MASTL: variants seen among roughly 807,000 people sequenced by gnomAD.
MASTL encodes serine/threonine-protein kinase greatwall.
MASTL carries 54 observed loss-of-function variants against 82.5 expected under a neutral mutation model. The ratio of observed to expected loss-of-function variants is 0.65; its 90% CI spans 0.53 to 0.82. MASTL has a LOEUF of 0.82. MASTL is among the 40% of genes least tolerant of loss of function. The pLI is 0.00. For missense variants in MASTL, 950 were observed against 1,047.8 expected (o/e 0.91, Z 1.29); for synonymous variants, 323 against 368.9 (o/e 0.88, Z 1.43).
At position 27,170,475 on chromosome 10, in the gene MASTL, AAGG is replaced by A; in HGVS notation, c.1519_1521del (p.Glu507del). 4 of 1,614,030 alleles carry A rather than the reference AAGG, an allele frequency of 2.5e-6. No homozygotes were observed. The highest frequency in any genetic ancestry group is 3.4e-6 in the Non-Finnish European group (4 of 1,179,916). The stretch of plus-strand genomic sequence containing the variant: ...AAGTCAACAAAATGACTGTGCTAAT[AAGG>A]AGAACATTGTCAATTCTTTTACTGA... On this transcript the variant is annotated inframe_deletion, in exon 8 of 12. Transcript: ENST00000375940.
upstream of MASTL, chr10:27,155,257 C>T (rs554557381): frequency 6.4e-4 from 424 of 666,720 alleles, no homozygotes; most frequent in African/African-American, 7.3e-3. Flanking sequence ...GCTTTCCCGA[C>T]GCCCCCTCCG....
At chr10:27,178,212 C>T (rs1015899520) in intron 9 of MASTL, among the ~76,000 whole-genome samples, 1 of 152,078 alleles carries the variant, frequency 6.6e-6, no homozygotes, top group African/African-American at 2.4e-5. Context: ...CCCAACATGG[C>T]GAAACCCCGT....
chr10:27,186,475 C>T lies in MASTL; in HGVS notation c.2579C>T (p.Thr860Ile). ...FIPQPDDETD[T>I]SYFEARNTAQ... is the part of the protein sequence containing the mutation. ...CCCCAGCCAGATGATGAAACAGATA[C>T]CTCCTATTTTGAAGCCAGGAATACT... The change falls in exon 12 of 12, where the codon ACC becomes ATC. Residue 860 changes from threonine (T) to isoleucine (I), a missense_variant. Transcript: ENST00000375940. 6.2e-7 allele frequency: 1 copy of T among 1,614,062 alleles called. No homozygotes were observed. Among genetic ancestry groups the T allele is most frequent in the South Asian group, 1.1e-5 (1 of 91,086 alleles).
rs1454083812 is a variant in MASTL, at chr10:27,187,679, G to T, written c.*1143G>T. Among the ~76,000 whole-genome samples the T allele has an allele frequency of 2.6e-5, 4 of 151,574 alleles. No individual in the cohort carries two copies. The highest frequency in any genetic ancestry group is 3.9e-4 in the East Asian group (2 of 5,148). On this transcript the variant is annotated 3_prime_UTR_variant, in exon 12 of 12. Transcript: ENST00000375940. ...AGGCATGAGAATCGCTTGAACCCAG[G>T]AGGTGGAGATTGCAGTGAGCTGAGA...
chr10:27,176,505 C>CT (rs1377285880), intron 9 of MASTL, among the ~76,000 whole-genome samples: 4 of 152,168 alleles, frequency 2.6e-5, no homozygotes, highest in African/African-American at 9.7e-5. Flanking sequence ...AGCCTTGTCT[C>CT]TCAAAGAGTC....
intron 7 of MASTL, among the ~76,000 whole-genome samples, chr10:27,169,567 C>CAAA (rs766925239): frequency 9.8e-6 from 1 of 101,738 alleles, no homozygotes. Context: ...GACCCCATTT[C>CAAA]AAAAAAAAAA....
chr10:27,182,466 G>A (rs772963487), intron 11 of MASTL, among the ~76,000 whole-genome samples: 2 of 152,062 alleles, frequency 1.3e-5, no homozygotes, highest in South Asian at 2.1e-4. Context: ...TTTATTAATC[G>A]GTGGGTGTGG....
chr10:27,168,773 T>C (rs927599348), intron 7 of MASTL, among the ~76,000 whole-genome samples: 1 of 152,136 alleles, frequency 6.6e-6, no homozygotes, highest in African/African-American at 2.4e-5. Context: ...GCGGACATCA[T>C]GCCTCCAGAC....
intron 1 of MASTL, among the ~76,000 whole-genome samples, chr10:27,155,817 C>T (rs1816542628): frequency 6.6e-6 from 1 of 152,138 alleles, no homozygotes. Flanking sequence ...CCGCCCTTCC[C>T]TCCATATCTC....
At position 27,170,542 on chromosome 10, in the gene MASTL, T is replaced by C. The variant is rs1199379421; in HGVS notation, c.1583T>C (p.Ile528Thr). 7 of 1,613,808 alleles carry C rather than the reference T, an allele frequency of 4.3e-6. No individual in the cohort carries two copies. The highest frequency in any genetic ancestry group is 2.2e-5 in the East Asian group (1 of 44,846). Residue 528 changes from isoleucine (I) to threonine (T), a missense_variant, in exon 8 of 12, where the codon ATA (isoleucine) becomes ACA (threonine). Ile to Thr is a moderately conservative substitution (Grantham distance 89). Coordinates refer to ENST00000375940, the MANE Select transcript of MASTL (RefSeq NM_001172303.3). ...CCAGAAAAATTACCTATACCAATGA[T>C]AGCAAAAAACCTTATGTGTGAACTC... The part of the protein sequence containing the change: ...QTPEKLPIPM[I>T]AKNLMCELDE...
rs1204583211 is a variant in MASTL at position 27,155,551 on chromosome 10, G to C, written c.125G>C (p.Ser42Thr). The change falls in exon 1 of 12, where the codon AGC becomes ACC. Residue 42 changes from serine to threonine, a missense_variant. Coordinates refer to ENST00000375940, the MANE Select transcript of MASTL (RefSeq NM_001172303.3). ...GAATTCAGCATAGTGAAGCCCATTA[G>C]CCGGGGCGCCTTCGGGAAAGTGTAT... ...IEEFSIVKPI[S>T]RGAFGKVYLG... The C allele has an allele frequency of 1.2e-6, 2 of 1,614,096 alleles. No homozygotes were observed. The highest frequency in any genetic ancestry group is 1.7e-6 in the Non-Finnish European group (2 of 1,180,026).
At chr10:27,166,391 C>G (rs78489110) in intron 6 of MASTL, among the ~76,000 whole-genome samples, 293 of 152,132 alleles carry the variant, frequency 1.9e-3, no homozygotes, top group African/African-American at 6.8e-3. Context: ...ATATTCTAAC[C>G]TTATAGCACG....
In MASTL at chr10:27,159,724, C is replaced by G. The variant is rs2057507260; in HGVS notation, c.430C>G (p.Leu144Val). 4 of 1,611,974 alleles carry G rather than the reference C, an allele frequency of 2.5e-6. No homozygotes were observed. The African/African-American group carries it at 4.0e-5, about 16-fold the overall frequency. Reference sequence around the variant, plus strand: ...ATATATTTCTGAAGTAGCACTGGCTCTAGACTACCTTCACAGACATGGAAT... The same window carrying G: ...ATATATTTCTGAAGTAGCACTGGCTGTAGACTACCTTCACAGACATGGAAT... ...VKYISEVALA[L>V]DYLHRHGIIH... Residue 144 changes from leucine (L) to valine (V), a missense_variant, in exon 3 of 12, where the codon CTA (leucine) becomes GTA (valine). Transcript: ENST00000375940. This position sits in a 1 kb window ranked among gnomAD's most constrained non-coding sequence, Gnocchi z 4.0.
At chr10:27,166,828 G>T (rs1460047245) in intron 6 of MASTL, among the ~76,000 whole-genome samples, 1 of 151,988 alleles carries the variant, frequency 6.6e-6, no homozygotes, top group East Asian at 1.9e-4. Context: ...AGGGGATTTT[G>T]TTCGGTTCTA....
chr10:27,158,136 A>C (rs2057453953), intron 1 of MASTL, among the ~76,000 whole-genome samples: 1 of 152,120 alleles, frequency 6.6e-6, no homozygotes, highest in African/African-American at 2.4e-5. Context: ...TGCTTTCCTG[A>C]TAGCAGTGTA....
rs1176510939 is a variant in MASTL at position 27,171,821 on chromosome 10, G to GTTTATTTTTTTTTTT, written c.2124+741_2124+742insATTTTTTTTTTTTTT. 5.6e-5 allele frequency among the ~76,000 whole-genome samples: 4 copies of GTTTATTTTTTTTTTT among 71,214 alleles called. 1 individual carries two copies. Among genetic ancestry groups the GTTTATTTTTTTTTTT allele is most frequent in the South Asian group, 8.1e-4 (2 of 2,476 alleles). The allele number at this position is 71,214 out of a possible 152,430, so 46.7% of individuals were successfully genotyped here. On this transcript the variant is annotated intron_variant, in intron 8 of 11. Transcript: ENST00000375940. Reference sequence around the variant, plus strand: ...TAAGAGAATAAAAGTTGAAAAATATGTTTCTTTTTTTTTTTTTTTTTTTTT... The same window carrying GTTTATTTTTTTTTTT: ...TAAGAGAATAAAAGTTGAAAAATATGTTTATTTTTTTTTTTTTTCTTTTTTTTTTTTTTTTTTTTT...
At chr10:27,165,680 T>A in intron 6 of MASTL, 141 bp downstream of exon 6, 3 of 954,240 alleles carry the variant, frequency 3.1e-6, no homozygotes, top group Non-Finnish European at 3.2e-6. Context: ...TGGCGCGATC[T>A]CGGCGGCTCA....
rs752147433 is a variant in MASTL at position 27,184,554 on chromosome 10, ATTTTTTT to A, written c.2483-1807_2483-1801del. Among the ~76,000 whole-genome samples, 29 of 84,858 alleles carry A rather than the reference ATTTTTTT, an allele frequency of 3.4e-4. 1 individual carries two copies. The highest frequency in any genetic ancestry group is 9.4e-4 in the South Asian group (2 of 2,134). The allele number at this position is 84,858 out of a possible 152,430, so 55.7% of individuals were successfully genotyped here. Reference sequence around the variant, plus strand: ...AAAAACACTATCACATATAAGAAGGATTTTTTTTTTTTTTTTTTTTTTTTGAGACGGA... The same window carrying A: ...AAAAACACTATCACATATAAGAAGGATTTTTTTTTTTTTTTTTGAGACGGA... On this transcript the variant is annotated intron_variant, in intron 11 of 11. Coordinates refer to ENST00000375940, the MANE Select transcript of MASTL (RefSeq NM_001172303.3).
rs749615747 is a variant in MASTL, at chr10:27,158,547, AG to A, written c.187del. On this transcript the variant is annotated splice_acceptor_variant, in intron 1 of 11. Transcript: ENST00000375940. LOFTEE classifies it high-confidence loss of function. ...ATATCACTTTTATTTTATCTATTAC[AG>A]GTTGTTAAAAAAGCAGACATGATCA... 3.2e-6 allele frequency: 5 copies of A among 1,585,536 alleles called. No homozygotes were observed. In the African/African-American group the frequency reaches 6.7e-5, roughly 21 times the overall value.
Sources: gnomAD v4.1 joint callset for allele counts (sites outside exome capture counted in the v4.1 genomes callset) on GRCh38, gnomAD v4.1.1 for gene constraint, Gnocchi (gnomAD v3.1) non-coding constraint, MANE v1.5 for transcripts, NCBI Gene and HGNC (gene_info 2026-07-23, HGNC 2026-07-21) for gene names.